Variants in BST1 observed in about 807,000 individuals in gnomAD.
BST1 encodes bone marrow stromal cell antigen 1.
A neutral mutation model predicts 40.6 loss-of-function variants in BST1; 49 were observed. The ratio of observed to expected loss-of-function variants is 1.21; its 90% CI spans 0.96 to 1.53. The LOEUF is 1.53. Ranked by LOEUF, BST1 falls within the 40% of genes most tolerant of loss-of-function variation. The pLI, the probability that BST1 is intolerant of heterozygous loss-of-function variation, is 0.00. For synonymous variants in BST1, 157 were observed against 159.3 expected (o/e 0.99, Z 0.11); for missense variants, 423 against 395.9 (o/e 1.07, Z -0.58).
chr4:15,755,241 T>A, the BST1 span, among the ~76,000 whole-genome samples: 2 of 152,124 alleles, frequency 1.3e-5, no homozygotes, highest in Non-Finnish European at 2.9e-5. Context: ...CAGGTTCAAG[T>A]GATTCTCCTG....
At chr4:15,730,190 C>A (rs1280761482) in intron 8 of BST1, among the ~76,000 whole-genome samples, 5 of 152,154 alleles carry the variant, frequency 3.3e-5, no homozygotes, top group Admixed American at 6.5e-5. Context: ...GAGTCAGGAA[C>A]TTTTAAGGAC....
chr4:15,705,676 C>A (rs1719844393), intron 2 of BST1, 35 bp downstream of exon 2: 12 of 1,610,440 alleles, frequency 7.5e-6, no homozygotes, highest in Non-Finnish European at 9.3e-6. Flanking sequence ...AAACTGTGTT[C>A]TCTGTCTCTA....
In BST1 at chr4:15,718,995, T is replaced by G. The variant is rs776783544; in HGVS notation, c.791+2T>G. 1.9e-6 allele frequency: 3 copies of G among 1,611,530 alleles called. No individual in the cohort carries two copies. In the Admixed American group the frequency reaches 5.0e-5, roughly 27 times the overall value. On this transcript the variant is annotated splice_donor_variant, in intron 7 of 8. Transcript: ENST00000265016. LOFTEE classifies it high-confidence loss of function. ...GTACAGCTGTATTAATGATTACCGG[T>G]AGGTGGCCTATATATCAATGTGCTC...
the BST1 span, among the ~76,000 whole-genome samples, chr4:15,749,265 T>TGAGAG: frequency 6.6e-6 from 1 of 152,130 alleles, no homozygotes; most frequent in Non-Finnish European, 1.5e-5. Context: ...CATTGGAAGT[T>TGAGAG]GAGAGGATGG....
At chr4:15,758,792 T>C in the BST1 span, among the ~76,000 whole-genome samples, 31 of 150,370 alleles carry the variant, frequency 2.1e-4, no homozygotes, top group East Asian at 6.0e-3. Flanking sequence ...GAATATGCAG[T>C]ATTATTTAAG....
the BST1 span, among the ~76,000 whole-genome samples, chr4:15,771,454 T>G: frequency 6.6e-6 from 1 of 152,218 alleles, no homozygotes; most frequent in Non-Finnish European, 1.5e-5. Context: ...AATGAGAATA[T>G]TCACAAACCA....
chr4:15,712,214 G>T (rs1311365383), intron 4 of BST1, among the ~76,000 whole-genome samples: 3 of 152,154 alleles, frequency 2.0e-5, no homozygotes, highest in Admixed American at 6.5e-5. Context: ...TACATAAAAT[G>T]GGGCAACTCC....
chr4:15,753,381 C>T, the BST1 span, among the ~76,000 whole-genome samples: 2 of 152,150 alleles, frequency 1.3e-5, no homozygotes, highest in East Asian at 3.8e-4. Context: ...AGAAGGTATC[C>T]ATCGTATCTG....
chr4:15,772,907 A>G, the BST1 span, among the ~76,000 whole-genome samples: 42 of 152,322 alleles, frequency 2.8e-4, 1 homozygote, highest in South Asian at 8.1e-3. Context: ...CGCACGCACC[A>G]TGGAGGCTGG....
chr4:15,744,061 A>G, the BST1 span, among the ~76,000 whole-genome samples: 2 of 152,168 alleles, frequency 1.3e-5, no homozygotes, highest in Non-Finnish European at 2.9e-5. Context: ...TTTTCTGGAC[A>G]TTTGACTAAT....
downstream of BST1, among the ~76,000 whole-genome samples, chr4:15,733,610 A>G (rs759787575): frequency 3.3e-5 from 5 of 152,198 alleles, no homozygotes; most frequent in Non-Finnish European, 5.9e-5. Context: ...AGGCCTCAGG[A>G]AACTTACGAT....
chr4:15,732,091 A>G lies in BST1; in HGVS notation c.*246A>G, dbSNP rs1577599049. 1 of 1,216,078 alleles carries G rather than the reference A, an allele frequency of 8.2e-7. No individual in the cohort carries two copies. The highest frequency in any genetic ancestry group is 4.2e-5 in the East Asian group (1 of 23,564). The allele number at this position is 1,216,078 out of a possible 1,614,324, so 75.3% of individuals were successfully genotyped here. On this transcript the variant is annotated 3_prime_UTR_variant, in exon 9 of 9. Coordinates refer to ENST00000265016, the MANE Select transcript of BST1 (RefSeq NM_004334.3). The stretch of plus-strand genomic sequence containing the variant: ...AGCAAGTTATTTTCTTATTTGTATA[A>G]TGACACAAAGCATTGGGAGTCAGAC...
the BST1 span, among the ~76,000 whole-genome samples, chr4:15,766,181 C>G: frequency 6.6e-6 from 1 of 151,884 alleles, no homozygotes; most frequent in East Asian, 1.9e-4. Context: ...GGTGGCAAAA[C>G]TGTCCCAAAA....
chr4:15,704,050 TA>T (rs1719731557), intron 1 of BST1, among the ~76,000 whole-genome samples: 1 of 144,650 alleles, frequency 6.9e-6, no homozygotes, highest in East Asian at 2.2e-4. Context: ...GGTGTGTGTG[TA>T]TCTGTGTTCT....
chr4:15,763,255 G>C, the BST1 span, among the ~76,000 whole-genome samples: 2 of 151,676 alleles, frequency 1.3e-5, no homozygotes, highest in African/African-American at 4.9e-5. Flanking sequence ...ATTTATCCAT[G>C]TATGTATACA....
chr4:15,758,802 G>C, the BST1 span, among the ~76,000 whole-genome samples: 1 of 152,218 alleles, frequency 6.6e-6, no homozygotes, highest in East Asian at 1.9e-4. Context: ...TATTATTTAA[G>C]ATCATTTAAT....
the BST1 span, among the ~76,000 whole-genome samples, chr4:15,771,238 T>G: frequency 6.6e-6 from 1 of 152,238 alleles, no homozygotes; most frequent in African/African-American, 2.4e-5. Context: ...TTCAAGCTGA[T>G]GAGTAGACAT....
chr4:15,763,692 A>T, the BST1 span, among the ~76,000 whole-genome samples: 55 of 152,160 alleles, frequency 3.6e-4, no homozygotes, highest in Non-Finnish European at 6.6e-4. Context: ...CAGTTGGTAA[A>T]TGGATAAATT....
chr4:15,710,534 T>G (rs1720136039), intron 3 of BST1, among the ~76,000 whole-genome samples: 1 of 152,138 alleles, frequency 6.6e-6, no homozygotes. Flanking sequence ...CAGTACTTAT[T>G]CCTCCTATGT....
Sources: allele counts gnomAD v4.1 joint callset (sites outside exome capture counted in the v4.1 genomes callset), GRCh38; gene constraint gnomAD v4.1.1; transcripts MANE v1.5; gene names NCBI Gene and HGNC (gene_info 2026-07-23, HGNC 2026-07-21).